The following UBA2 variants were observed in gnomAD, a reference collection of about 807,000 sequenced individuals.
The protein encoded by UBA2 is ubiquitin like modifier activating enzyme 2, also known as SUMO-activating enzyme subunit 2.
In UBA2, 11 loss-of-function variants were observed where a neutral mutation model predicts 77.2. The observed-to-expected ratio is 0.14, with a 90% CI of 0.09 to 0.24. UBA2 has a LOEUF of 0.24. UBA2 is among the 10% of genes least tolerant of loss of function. The probability of loss-of-function intolerance (pLI) is 1.00; values close to 1 mark genes in which losing one functional copy is unlikely to be tolerated. For missense variants in UBA2, 487 were observed against 781.7 expected (o/e 0.62, Z 4.50); for synonymous variants, 278 against 276.7 (o/e 1.00, Z -0.05).
rs1036048450 is a variant in UBA2 at position 34,463,846 on chromosome 19, A to T, written c.1499-180A>T. Reference sequence around the variant, plus strand: ...CCCATTTAAATTTAATCATTCCTTTAAAAAGTCTTATCTCCAAATACAATC... The same window carrying T: ...CCCATTTAAATTTAATCATTCCTTTTAAAAGTCTTATCTCCAAATACAATC... On this transcript the variant is annotated intron_variant, in intron 14 of 16. Transcript: ENST00000246548. Among the ~76,000 whole-genome samples the T allele has an allele frequency of 2.6e-4, 40 of 152,168 alleles. No homozygotes were observed. Among genetic ancestry groups the T allele is most frequent in the Non-Finnish European group, 4.3e-4 (29 of 68,044 alleles).
intron 15 of UBA2, among the ~76,000 whole-genome samples, chr19:34,466,412 T>TC (rs2075688740): frequency 6.6e-6 from 1 of 152,194 alleles, no homozygotes; most frequent in Non-Finnish European, 1.5e-5. Context: ...AGAAATAATG[T>TC]CCAAGAGTTG....
At chr19:34,454,598 A>T in intron 12 of UBA2, 42 bp downstream of exon 12, 1 of 994,404 alleles carries the variant, frequency 1.0e-6, no homozygotes. Context: ...CCCCCTTAAA[A>T]AAATCATTAA....
rs1210916767 is a variant in UBA2 at position 34,450,243 on chromosome 19, G to C, written c.772-22G>C. ...TCAATTAGGGATTATGGGGTTCATG[G>C]GATCTGTCTTTCTTTTGTAAGCTTT... On this transcript the variant is annotated intron_variant, in intron 8 of 16. Transcript: ENST00000246548. 4 of 1,547,286 alleles carry C rather than the reference G, an allele frequency of 2.6e-6. No individual in the cohort carries two copies. In the Admixed American group the frequency reaches 6.9e-5, roughly 27 times the overall value.
intron 12 of UBA2, among the ~76,000 whole-genome samples, chr19:34,457,179 A>AAAAAATATATATATATATAT (rs1262007864): frequency 2.3e-4 from 12 of 53,212 alleles, no homozygotes; most frequent in Non-Finnish European, 3.3e-4. Context: ...AAAAAAAAAA[A>AAAAAATATATATATATATAT]ATATATATAT....
intron 13 of UBA2, 91 bp downstream of exon 13, chr19:34,459,015 C>A: frequency 2.2e-6 from 3 of 1,341,676 alleles, no homozygotes; most frequent in Non-Finnish European, 3.0e-6. Context: ...TGAAAAGGTC[C>A]AACTGCAGAG....
chr19:34,451,696 C>T (rs749407885), intron 9 of UBA2, among the ~76,000 whole-genome samples: 1 of 151,652 alleles, frequency 6.6e-6, no homozygotes, highest in Non-Finnish European at 1.5e-5. Context: ...TACAGGCGCC[C>T]GCCACCATGC....
chr19:34,464,611 A>G (rs908306995), intron 15 of UBA2, among the ~76,000 whole-genome samples: 3 of 152,140 alleles, frequency 2.0e-5, no homozygotes, highest in Non-Finnish European at 2.9e-5. Flanking sequence ...AAATGTTTTA[A>G]GAGTAACTGT....
intron 1 of UBA2, chr19:34,428,934 G>A: frequency 1.0e-6 from 1 of 992,414 alleles, no homozygotes; most frequent in Non-Finnish European, 1.2e-6. Context: ...CGCGGATGTT[G>A]TGACTTTAAT....
At chr19:34,432,013 T>A (rs912630632) in intron 3 of UBA2, 82 bp downstream of exon 3, 125 of 1,078,590 alleles carry the variant, frequency 1.2e-4, no homozygotes, top group East Asian at 2.2e-4. Context: ...TCAGCTTTTT[T>A]AAAAAAAATG....
intron 4 of UBA2, 28 bp from the exon 5 acceptor site, chr19:34,434,834 TCCCAAA>T: frequency 6.6e-7 from 1 of 1,510,672 alleles, no homozygotes; most frequent in Admixed American, 1.9e-5. Flanking sequence ...ATTTTTTTTT[TCCCAAA>T]AACTCATACT....
chr19:34,459,225 T>C (rs968859490), intron 13 of UBA2, among the ~76,000 whole-genome samples: 3 of 152,242 alleles, frequency 2.0e-5, no homozygotes, highest in Admixed American at 2.0e-4. Flanking sequence ...GGGTAAATTC[T>C]GTATTTTTTG....
At chr19:34,446,928 T>C (rs940622935) in intron 8 of UBA2, among the ~76,000 whole-genome samples, 4 of 152,184 alleles carry the variant, frequency 2.6e-5, no homozygotes, top group Non-Finnish European at 5.9e-5. Flanking sequence ...TTCTTATCCC[T>C]ATTGCATTTA....
In UBA2 at chr19:34,464,150, T is replaced by G. The variant is rs1307966551; in HGVS notation, c.1604+19T>G. On this transcript the variant is annotated intron_variant, in intron 15 of 16. Transcript: ENST00000246548. ...TTCATAGGTAAGAGCTATTAGTATT[T>G]TAATTGTAAGAAATTATTTGAATAT... 1 of 1,464,014 alleles carries G rather than the reference T, an allele frequency of 6.8e-7. No homozygotes were observed. The highest frequency in any genetic ancestry group is 2.3e-5 in the East Asian group (1 of 44,166). 90.7% of individuals were successfully genotyped at this position (1,464,014 alleles called of 1,614,324 possible).
intron 7 of UBA2, among the ~76,000 whole-genome samples, 157 bp downstream of exon 7, chr19:34,444,068 T>G (rs1013241187): frequency 6.9e-4 from 71 of 103,316 alleles, no homozygotes; most frequent in African/African-American, 1.8e-3. Flanking sequence ...TTTTTTTTTT[T>G]GTCTCAGAGG....
At chr19:34,463,595 GA>G in intron 14 of UBA2, among the ~76,000 whole-genome samples, 1 of 152,066 alleles carries the variant, frequency 6.6e-6, no homozygotes, top group Non-Finnish European at 1.5e-5. Context: ...TTGATTGATT[GA>G]TTGACTGGAG....
intron 13 of UBA2, 66 bp from the exon 14 acceptor site, chr19:34,460,404 C>T (rs1751994704): frequency 2.8e-6 from 3 of 1,086,312 alleles, no homozygotes; most frequent in African/African-American, 3.2e-5. Flanking sequence ...TTATAGAAGT[C>T]TAGGATTTCT....
At chr19:34,459,202 C>T (rs2075604813) in intron 13 of UBA2, among the ~76,000 whole-genome samples, 1 of 152,158 alleles carries the variant, frequency 6.6e-6, no homozygotes, top group African/African-American at 2.4e-5. Flanking sequence ...TTGCTCTTTG[C>T]TTCCCAGGCA....
intron 1 of UBA2, chr19:34,429,223 G>A (rs964888066): frequency 1.0e-5 from 10 of 985,246 alleles, no homozygotes; most frequent in African/African-American, 1.7e-5. Flanking sequence ...CACAGTAGAC[G>A]GTACACTCGC....
chr19:34,462,909 A>G (rs2075647124), intron 14 of UBA2, among the ~76,000 whole-genome samples: 1 of 152,168 alleles, frequency 6.6e-6, no homozygotes, highest in Non-Finnish European at 1.5e-5. Flanking sequence ...AGCTTGGCCA[A>G]TATGGCAAAA....
Sources: allele counts gnomAD v4.1 joint callset (sites outside exome capture counted in the v4.1 genomes callset), GRCh38; gene constraint gnomAD v4.1.1; transcripts MANE v1.5; gene names NCBI Gene and HGNC (gene_info 2026-07-23, HGNC 2026-07-21).